The following CRY1 variants were observed in gnomAD, a reference collection of about 807,000 sequenced individuals.
CRY1 encodes cryptochrome-1.
A neutral mutation model predicts 76.0 loss-of-function variants in CRY1; 45 were observed. The observed-to-expected ratio is 0.59, with a 90% CI of 0.47 to 0.76. The LOEUF is 0.76. CRY1 is among the 30% of genes least tolerant of loss of function. The probability of loss-of-function intolerance (pLI) is 0.00; values close to 1 mark genes in which losing one functional copy is unlikely to be tolerated. For missense variants in CRY1, 587 were observed against 716.4 expected (o/e 0.82, Z 2.06); for synonymous variants, 248 against 244.0 (o/e 1.02, Z -0.15).
intron 1 of CRY1, among the ~76,000 whole-genome samples, chr12:107,040,919 T>TAA (rs34404696): frequency 4.3e-5 from 6 of 140,628 alleles, no homozygotes; most frequent in Admixed American, 7.2e-5. Flanking sequence ...TATAAACCTT[T>TAA]AAAAAAAAAA....
intron 1 of CRY1, among the ~76,000 whole-genome samples, chr12:107,063,164 G>A (rs1476031932): frequency 6.6e-6 from 1 of 152,140 alleles, no homozygotes; most frequent in East Asian, 1.9e-4. Context: ...AATATTCTAA[G>A]CAAGAAATGC....
chr12:107,067,871 A>T (rs1487522239), intron 1 of CRY1, among the ~76,000 whole-genome samples: 1 of 152,252 alleles, frequency 6.6e-6, no homozygotes, highest in Admixed American at 6.5e-5. Flanking sequence ...GCCATAAGGC[A>T]GTCAGTTCCT....
chr12:107,010,469 G>T (rs1035190224), intron 2 of CRY1, among the ~76,000 whole-genome samples: 2 of 152,010 alleles, frequency 1.3e-5, no homozygotes, highest in Non-Finnish European at 2.9e-5. Context: ...AAAGGCTAAC[G>T]GCAACCCTGC....
chr12:107,039,766 A>T (rs1565833667), intron 1 of CRY1, among the ~76,000 whole-genome samples: 1 of 152,206 alleles, frequency 6.6e-6, no homozygotes. Context: ...TTCCTAAAAA[A>T]TTTTTGAATA....
chr12:107,057,862 C>G (rs951242491), intron 1 of CRY1, among the ~76,000 whole-genome samples: 8 of 151,788 alleles, frequency 5.3e-5, no homozygotes, highest in Non-Finnish European at 1.2e-4. Context: ...AGTTCAAGAC[C>G]AGCCTGGGCA....
At chr12:107,054,576 AAACT>A (rs2136878552) in intron 1 of CRY1, among the ~76,000 whole-genome samples, 2 of 151,612 alleles carry the variant, frequency 1.3e-5, no homozygotes, top group South Asian at 4.2e-4. Context: ...AATTAATTAA[AAACT>A]ATCAGACTAA....
intron 1 of CRY1, among the ~76,000 whole-genome samples, chr12:107,032,979 T>C (rs954986159): frequency 6.6e-6 from 1 of 151,920 alleles, no homozygotes; most frequent in Non-Finnish European, 1.5e-5. Flanking sequence ...ATGTATTATA[T>C]GAAGAGACAA....
At chr12:107,010,715 A>G (rs1268751250) in intron 2 of CRY1, among the ~76,000 whole-genome samples, 1 of 151,942 alleles carries the variant, frequency 6.6e-6, no homozygotes, top group Non-Finnish European at 1.5e-5. Flanking sequence ...AGTAGCTGGC[A>G]CTACAGGTAC....
chr12:107,034,146 C>A (rs554854938), intron 1 of CRY1, among the ~76,000 whole-genome samples: 5 of 152,048 alleles, frequency 3.3e-5, no homozygotes, highest in Non-Finnish European at 5.9e-5. Flanking sequence ...GTAGCCAAAA[C>A]CCACCAAACC....
chr12:107,073,818 T>C (rs1953219862), intron 1 of CRY1, among the ~76,000 whole-genome samples: 1 of 152,160 alleles, frequency 6.6e-6, no homozygotes, highest in African/African-American at 2.4e-5. Context: ...ATTTTAATTA[T>C]CACCTCTCAA....
At chr12:107,082,333 C>T (rs58703592) in intron 1 of CRY1, among the ~76,000 whole-genome samples, 4,114 of 151,996 alleles carry the variant, frequency 0.027, 70 homozygotes, top group African/African-American at 0.053. Flanking sequence ...AACTCAACTC[C>T]GGACCAAGCA....
chr12:107,040,226 C>T (rs371519497), intron 1 of CRY1, among the ~76,000 whole-genome samples: 6 of 149,838 alleles, frequency 4.0e-5, no homozygotes, highest in East Asian at 2.0e-4. Context: ...AGTTGCTAAT[C>T]GACAGGTATA....
intron 1 of CRY1, among the ~76,000 whole-genome samples, chr12:107,053,572 C>T (rs1952947834): frequency 6.6e-6 from 1 of 152,168 alleles, no homozygotes; most frequent in Admixed American, 6.5e-5. Flanking sequence ...CCTGCCTCGG[C>T]CTCCCAAAGT....
chr12:106,998,663 C>CACAT (rs964221282), intron 7 of CRY1, among the ~76,000 whole-genome samples: 1 of 148,492 alleles, frequency 6.7e-6, no homozygotes, highest in Non-Finnish European at 1.5e-5. Flanking sequence ...AGATTAAACA[C>CACAT]ACACACACAC....
At chr12:107,022,431 CTA>C (rs1215660155) in intron 1 of CRY1, among the ~76,000 whole-genome samples, 1 of 151,658 alleles carries the variant, frequency 6.6e-6, no homozygotes, top group Non-Finnish European at 1.5e-5. Flanking sequence ...ATAAAAGTGA[CTA>C]TTAGCAAAAA....
At chr12:107,074,658 A>G (rs1167864649) in intron 1 of CRY1, among the ~76,000 whole-genome samples, 1 of 152,238 alleles carries the variant, frequency 6.6e-6, no homozygotes, top group Non-Finnish European at 1.5e-5. Flanking sequence ...TGGTATTACC[A>G]TCACAGAAAT....
At position 107,093,238 on chromosome 12, in the gene CRY1, T is replaced by A; in HGVS notation, c.-277A>T. 1 of 386,150 alleles carries A rather than the reference T, an allele frequency of 2.6e-6. No homozygotes were observed. The highest frequency in any genetic ancestry group is 4.6e-6 in the Non-Finnish European group (1 of 216,940). The allele number at this position is 386,150 out of a possible 1,614,324, so 23.9% of individuals were successfully genotyped here. On this transcript the variant is annotated 5_prime_UTR_variant, in exon 1 of 13. It removes an upstream start codon present in the reference 5' UTR. Coordinates refer to ENST00000008527, the MANE Select transcript of CRY1 (RefSeq NM_004075.5). The stretch of plus-strand genomic sequence containing the variant: ...GCCGCAACCGCCTGGAGGCGACGCA[T>A]AACTTCGAGGGCCTCGGACCTCCGG...
intron 1 of CRY1, among the ~76,000 whole-genome samples, chr12:107,082,645 A>G (rs1490845946): frequency 6.6e-6 from 1 of 152,232 alleles, no homozygotes; most frequent in Non-Finnish European, 1.5e-5. Context: ...TTTGACACCA[A>G]TGAGAACAAA....
chr12:107,010,089 T>C (rs1347228631), intron 2 of CRY1, among the ~76,000 whole-genome samples: 1 of 152,090 alleles, frequency 6.6e-6, no homozygotes, highest in Non-Finnish European at 1.5e-5. Flanking sequence ...AGGTTTTCTT[T>C]TTCTTCTTAT....
Sources: allele counts gnomAD v4.1 joint callset (sites outside exome capture counted in the v4.1 genomes callset), GRCh38; gene constraint gnomAD v4.1.1; transcripts MANE v1.5; gene names NCBI Gene and HGNC (gene_info 2026-07-23, HGNC 2026-07-21).